The following ARHGAP26 variants were observed in gnomAD, a reference collection of about 807,000 sequenced individuals.
ARHGAP26 encodes the protein Rho GTPase activating protein 26, also known as rho GTPase-activating protein 26.
ARHGAP26 carries 38 observed loss-of-function variants against 104.8 expected under a neutral mutation model. The ratio of observed to expected loss-of-function variants is 0.36; its 90% CI spans 0.28 to 0.48. The LOEUF is 0.48. Among genes scored for constraint, ARHGAP26 ranks in the 20% least tolerant of loss-of-function variants. The pLI, the probability that ARHGAP26 is intolerant of heterozygous loss-of-function variation, is 0.99. For synonymous variants in ARHGAP26, 341 were observed against 340.0 expected, an observed-to-expected ratio of 1.00 and a Z score of -0.03; for missense variants, 704 against 947.9, an observed-to-expected ratio of 0.74 and a Z score of 3.38.
At chr5:142,887,587 C>A (rs887312375) in intron 5 of ARHGAP26, among the ~76,000 whole-genome samples, 1 of 152,046 alleles carries the variant, frequency 6.6e-6, no homozygotes, top group Non-Finnish European at 1.5e-5. Flanking sequence ...TATTATAGTC[C>A]TTTATGTTCT....
At chr5:142,804,996 A>G (rs1279343345) in intron 1 of ARHGAP26, among the ~76,000 whole-genome samples, 1 of 152,036 alleles carries the variant, frequency 6.6e-6, no homozygotes, top group East Asian at 1.9e-4. Context: ...TTTCGGGTCC[A>G]TTCATGTTGA....
intron 19 of ARHGAP26, among the ~76,000 whole-genome samples, chr5:143,135,132 G>GATATACACA (rs1340393191): frequency 6.6e-6 from 1 of 152,232 alleles, no homozygotes; most frequent in African/African-American, 2.4e-5. Flanking sequence ...ATTGAGAGAG[G>GATATACACA]TAGCAGAACA....
chr5:143,210,497 AAGTC>A (rs1809284503), intron 21 of ARHGAP26, among the ~76,000 whole-genome samples: 1 of 152,154 alleles, frequency 6.6e-6, no homozygotes, highest in South Asian at 2.1e-4. Context: ...TGTTTGTTCA[AAGTC>A]AGGAATGAAG....
intron 18 of ARHGAP26, among the ~76,000 whole-genome samples, chr5:143,130,625 A>G (rs1221599058): frequency 1.3e-5 from 2 of 152,226 alleles, no homozygotes; most frequent in Non-Finnish European, 2.9e-5. Context: ...CATCCCTTCC[A>G]AAATGAAATA....
In ARHGAP26 at chr5:143,095,665, TG is replaced by T. The variant is rs199866481; in HGVS notation, c.1539-25320del. Among the ~76,000 whole-genome samples the T allele has an allele frequency of 9.7e-3, 1,471 of 152,306 alleles. 23 individuals are homozygous for T. The highest frequency in any genetic ancestry group is 0.078 in the East Asian group (402 of 5,184). On this transcript the variant is annotated intron_variant, in intron 17 of 22. Transcript: ENST00000645722. ...CTCACTGCAACCTCCACCTCCCAGC[TG>T]GGTTCAAGCAGTTGTCATGCCTCAG...
chr5:143,085,424 A>G (rs559966739), intron 17 of ARHGAP26, among the ~76,000 whole-genome samples: 60 of 152,284 alleles, frequency 3.9e-4, no homozygotes, highest in African/African-American at 1.4e-3. Context: ...AGAGGGGGAC[A>G]AGAGGGAAGA....
chr5:142,771,621 T>C (rs771362605), intron 1 of ARHGAP26, among the ~76,000 whole-genome samples: 1 of 152,192 alleles, frequency 6.6e-6, no homozygotes, highest in South Asian at 2.1e-4. Flanking sequence ...AAATAGAATG[T>C]ACATATCCCA....
chr5:143,143,708 C>A (rs1315801371), intron 19 of ARHGAP26, among the ~76,000 whole-genome samples: 1 of 152,136 alleles, frequency 6.6e-6, no homozygotes, highest in Non-Finnish European at 1.5e-5. Context: ...GCCTTAGTGT[C>A]AGTGACCCAT....
intron 17 of ARHGAP26, among the ~76,000 whole-genome samples, chr5:143,081,389 T>C (rs759396825): frequency 1.3e-5 from 2 of 152,220 alleles, no homozygotes; most frequent in Admixed American, 1.3e-4. Flanking sequence ...AATCAAACTC[T>C]GGAAGACTAA....
intron 12 of ARHGAP26, among the ~76,000 whole-genome samples, chr5:143,030,851 A>G (rs1781739364): frequency 6.6e-6 from 1 of 152,266 alleles, no homozygotes; most frequent in South Asian, 2.1e-4. Flanking sequence ...AGTGAAGTAA[A>G]TATACCTGGA....
At chr5:143,120,861 A>G (rs1198051495) in intron 17 of ARHGAP26, 127 bp from the exon 18 acceptor site, 1 of 858,342 alleles carries the variant, frequency 1.2e-6, no homozygotes, top group African/African-American at 1.7e-5. Flanking sequence ...GCATCTGACG[A>G]TGACCCAAGT....
At chr5:142,909,487 C>T (rs1761550839) in intron 9 of ARHGAP26, among the ~76,000 whole-genome samples, 1 of 152,314 alleles carries the variant, frequency 6.6e-6, no homozygotes. Context: ...TCCTTGTTCT[C>T]TTCCACTTCC....
intron 18 of ARHGAP26, among the ~76,000 whole-genome samples, chr5:143,131,693 T>C (rs3756375): frequency 0.11 from 17,141 of 152,228 alleles, 1,125 homozygotes; most frequent in East Asian, 0.2. Flanking sequence ...CCTGCTTAGC[T>C]GTGTGGCATT....
At chr5:142,785,192 A>G (rs1463422929) in intron 1 of ARHGAP26, among the ~76,000 whole-genome samples, 1 of 151,948 alleles carries the variant, frequency 6.6e-6, no homozygotes, top group East Asian at 1.9e-4. Context: ...GGCCTCCCAA[A>G]GTGCCGGGAT....
chr5:143,010,258 G>A (rs1215352928), intron 11 of ARHGAP26, among the ~76,000 whole-genome samples: 2 of 152,198 alleles, frequency 1.3e-5, no homozygotes, highest in Admixed American at 6.5e-5. Context: ...AGGTAAAAGG[G>A]TATTGGAACA....
chr5:143,216,850 A>G (rs3733731), intron 22 of ARHGAP26: 75,927 of 152,638 alleles, frequency 0.5, 20,522 homozygotes, highest in African/African-American at 0.72. Context: ...ACACTTTCTC[A>G]ATTGGGTTAG....
intron 17 of ARHGAP26, among the ~76,000 whole-genome samples, chr5:143,081,100 G>T (rs1317507465): frequency 6.6e-6 from 1 of 152,160 alleles, no homozygotes; most frequent in South Asian, 2.1e-4. Context: ...TTGTGGTGGA[G>T]TGGGTGGGTG....
chr5:143,107,425 T>A (rs1794176134), intron 17 of ARHGAP26, among the ~76,000 whole-genome samples: 1 of 152,184 alleles, frequency 6.6e-6, no homozygotes, highest in Admixed American at 6.5e-5. Flanking sequence ...TTGTGCATCA[T>A]TCTGTCCTTG....
chr5:142,894,470 T>G (rs1759180784), intron 6 of ARHGAP26, 122 bp downstream of exon 6: 2 of 858,354 alleles, frequency 2.3e-6, no homozygotes. Flanking sequence ...ACACTGTCCC[T>G]TCTGTAAGTA....
Sources: allele counts gnomAD v4.1 joint callset (sites outside exome capture counted in the v4.1 genomes callset), GRCh38; gene constraint gnomAD v4.1.1; transcripts MANE v1.5; gene names NCBI Gene and HGNC (gene_info 2026-07-23, HGNC 2026-07-21).